SHKBP1: variants seen among roughly 807,000 people sequenced by gnomAD.
SHKBP1 encodes the protein SH3KBP1-binding protein 1.
Under a neutral mutation model 83.9 loss-of-function variants are expected in SHKBP1, and 71 were observed. That is an observed-to-expected ratio of 0.85 (90% CI 0.70 to 1.03). The LOEUF (loss-of-function observed/expected upper bound fraction) is 1.03. Ranked by LOEUF, SHKBP1 falls within the 50% of genes least tolerant of loss-of-function variation. The probability of loss-of-function intolerance (pLI) is 0.00; values close to 1 mark genes in which losing one functional copy is unlikely to be tolerated. For missense variants in SHKBP1, 824 were observed against 982.4 expected (o/e 0.84, Z 2.16); for synonymous variants, 371 against 398.0 (o/e 0.93, Z 0.81).
Position 40,578,524 on chromosome 19 carries a change from G to C in SHKBP1, c.382G>C (p.Gly128Arg). 6.2e-7 allele frequency: 1 copy of C among 1,614,010 alleles called. No individual in the cohort carries two copies. The highest frequency in any genetic ancestry group is 8.5e-7 in the Non-Finnish European group (1 of 1,180,018). ...RSSCGNVLFN[G>R]YLPPPVFPVK... ...TTCTTGTGGAAACGTCCTCTTCAAT[G>C]GTTACCTGCCGCCACCAGGTAGGCA... Residue 128 changes from glycine to arginine, a missense_variant, in exon 6 of 18, where the codon GGT becomes CGT. Gly to Arg is a moderately radical substitution (Grantham distance 125). Around this residue, in one of 3 missense-constraint regions of SHKBP1, gnomAD observed 355 missense variants for 386.4 expected, o/e 0.92. Coordinates refer to ENST00000291842, the MANE Select transcript of SHKBP1 (RefSeq NM_138392.4).
intron 12 of SHKBP1, 130 bp downstream of exon 12, chr19:40,583,847 ATTTT>A (rs368848063): frequency 3.6e-5 from 24 of 662,958 alleles, no homozygotes; most frequent in Non-Finnish European, 6.1e-5. Context: ...ACTCTCTCTC[ATTTT>A]TTTTTCTGAG....
At chr19:40,586,298 T>C (rs1427107275) in intron 12 of SHKBP1, among the ~76,000 whole-genome samples, 1 of 152,134 alleles carries the variant, frequency 6.6e-6, no homozygotes, top group Non-Finnish European at 1.5e-5. Context: ...CTCATCACCA[T>C]CTTTTTGTGT....
intron 12 of SHKBP1, 82 bp downstream of exon 12, chr19:40,583,799 C>A: frequency 9.3e-7 from 1 of 1,076,752 alleles, no homozygotes; most frequent in East Asian, 2.4e-5. Context: ...ACTTGTGTAG[C>A]ATGACCCAGA....
intron 10 of SHKBP1, 88 bp downstream of exon 10, chr19:40,582,554 C>T (rs2081278396): frequency 8.9e-7 from 1 of 1,121,116 alleles, no homozygotes; most frequent in Admixed American, 2.2e-5. Context: ...CCCCCACCCC[C>T]ACCCCCTAAG....
chr19:40,583,491 C>T lies in SHKBP1; in HGVS notation c.1048+6C>T. The T allele has an allele frequency of 6.2e-7, 1 of 1,612,644 alleles. No individual in the cohort carries two copies. The stretch of plus-strand genomic sequence containing the variant: ...CGGCTCCATTTACTACGTGGGTGAG[C>T]AGCAGCCTGTGTCCCGGGTGCCCGA... On this transcript the variant is annotated splice_donor_region_variant and intron_variant, in intron 11 of 17. Coordinates refer to ENST00000291842, the MANE Select transcript of SHKBP1 (RefSeq NM_138392.4).
Position 40,590,247 on chromosome 19 carries a change from G to A in SHKBP1, c.1593G>A (p.Val531=). Reference sequence around the variant, plus strand: ...CCTCCCCCACTGCACCCCCCAGGGTGTGCTCCGTGCGCTCCGTGGACGGCT... The same window carrying A: ...CCTCCCCCACTGCACCCCCCAGGGTATGCTCCGTGCGCTCCGTGGACGGCT... ...FVRLSSTGQR[V]CSVRSVDGSP... The change falls in exon 16 of 18, where the codon GTG becomes GTA. Residue 531 remains valine (V), a synonymous_variant. Coordinates refer to ENST00000291842, the MANE Select transcript of SHKBP1 (RefSeq NM_138392.4). This position sits in a 1 kb window ranked among gnomAD's most constrained non-coding sequence, Gnocchi z 4.6. 6.3e-7 allele frequency: 1 copy of A among 1,585,238 alleles called. No homozygotes were observed. Among genetic ancestry groups the A allele is most frequent in the South Asian group, 1.1e-5 (1 of 87,650 alleles).
intron 12 of SHKBP1, among the ~76,000 whole-genome samples, 163 bp downstream of exon 12, chr19:40,583,880 G>A (rs186963807): frequency 1.3e-5 from 2 of 151,990 alleles, no homozygotes; most frequent in East Asian, 3.9e-4. Context: ...TCATTCTGTT[G>A]CCCAGGCTGG....
At chr19:40,586,078 A>T (rs1484252906) in intron 12 of SHKBP1, among the ~76,000 whole-genome samples, 1 of 151,834 alleles carries the variant, frequency 6.6e-6, no homozygotes, top group Non-Finnish European at 1.5e-5. Flanking sequence ...CTAGTTTTTT[A>T]AAAATCTTTT....
In SHKBP1 at chr19:40,580,870, G is replaced by A; in HGVS notation, c.778G>A (p.Ala260Thr). The change falls in exon 9 of 18, where the codon GCA becomes ACA. Residue 260 changes from alanine (A) to threonine (T), a missense_variant. By Grantham distance (58) the Ala-to-Thr change is moderately conservative. Transcript: ENST00000291842. ...GALGEHDKMV[A>T]AATGSEILLW... ...TTTGGGTGAACATGACAAGATGGTG[G>A]CAGCAGCCACCGGCAGCGAGATCCT... 1.2e-6 allele frequency: 2 copies of A among 1,612,270 alleles called. No individual in the cohort carries two copies. The highest frequency in any genetic ancestry group is 1.7e-6 in the Non-Finnish European group (2 of 1,179,088).
chr19:40,582,492 C>T, intron 10 of SHKBP1, 26 bp downstream of exon 10: 1 of 1,598,308 alleles, frequency 6.3e-7, no homozygotes, highest in Non-Finnish European at 8.6e-7. Context: ...AGCCTGGCTG[C>T]CCCCTTCCCA....
chr19:40,588,141 G>A (rs573729472), intron 13 of SHKBP1, among the ~76,000 whole-genome samples: 38 of 152,326 alleles, frequency 2.5e-4, no homozygotes, highest in Non-Finnish European at 4.4e-4. Flanking sequence ...GATGCCTGAG[G>A]AAGTGCAGGG....
chr19:40,590,604 C>A lies in SHKBP1; in HGVS notation c.1769-126C>A, dbSNP rs1417792178. On this transcript the variant is annotated intron_variant, in intron 16 of 17. Transcript: ENST00000291842. This position sits in a 1 kb window ranked among gnomAD's most constrained non-coding sequence, Gnocchi z 4.6. ...TTTCAACCCCTGTCTCAGCCTCTGG[C>A]CCCCATGCATTGATCTCTGCTTCCT... 2.3e-6 allele frequency: 3 copies of A among 1,332,982 alleles called. No homozygotes were observed. The highest frequency in any genetic ancestry group is 2.3e-5 in the East Asian group (1 of 43,100). 82.6% of individuals were successfully genotyped at this position (1,332,982 alleles called of 1,614,324 possible). A position where few individuals can be genotyped will look rare whatever the true frequency, so the allele number is the denominator to read the frequency against.
intron 14 of SHKBP1, 30 bp from the exon 15 acceptor site, chr19:40,589,052 G>A: frequency 6.3e-7 from 1 of 1,599,882 alleles, no homozygotes; most frequent in Non-Finnish European, 8.5e-7. Flanking sequence ...AATCCCAGCT[G>A]GCCCTGACCC....
chr19:40,582,536 C>A, intron 10 of SHKBP1, 70 bp downstream of exon 10: 1 of 1,326,726 alleles, frequency 7.5e-7, no homozygotes, highest in Non-Finnish European at 1.1e-6. Flanking sequence ...GGAAGGGGTT[C>A]ACGTCTGCCC....
rs1281584509 is a variant in SHKBP1 at position 40,590,912 on chromosome 19, T to A, written c.1892+59T>A. The A allele has an allele frequency of 2.5e-6, 4 of 1,569,010 alleles. No homozygotes were observed. The highest frequency in any genetic ancestry group is 3.5e-6 in the Non-Finnish European group (4 of 1,149,250). ...GAGGGGAGAGGGGACAGCATGGTGT[T>A]CCCGGGGACAGAGTGGCCCAGCTGC... On this transcript the variant is annotated intron_variant, in intron 17 of 17. Coordinates refer to ENST00000291842, the MANE Select transcript of SHKBP1 (RefSeq NM_138392.4). The surrounding 1 kb of genome is among the most constrained non-coding windows in gnomAD (Gnocchi z 4.6).
chr19:40,585,645 T>A (rs1483453759), intron 12 of SHKBP1: 1 of 149,986 alleles, frequency 6.7e-6, no homozygotes, highest in East Asian at 2.0e-4. Flanking sequence ...CCTCCTGGGT[T>A]CAAGCAATTC....
At chr19:40,577,085 C>CCG in intron 1 of SHKBP1, 100 bp downstream of exon 1, 4 of 1,266,062 alleles carry the variant, frequency 3.2e-6, no homozygotes, top group Non-Finnish European at 3.2e-6. Flanking sequence ...AAGGGTTGCT[C>CCG]CGCCCCCCCC....
In SHKBP1 at chr19:40,583,763, C is replaced by G. The variant is rs532163826; in HGVS notation, c.1165+46C>G. On this transcript the variant is annotated intron_variant, in intron 12 of 17. Transcript: ENST00000291842. ...CCCTGCTGCTGTCACCTGCCAGCCC[C>G]AGCCCCAGCCTGCAGCTGTCCCCCA... is the stretch of plus-strand genomic sequence containing the variant. 41 of 1,458,182 alleles carry G rather than the reference C, an allele frequency of 2.8e-5. No individual in the cohort carries two copies. The South Asian group carries it at 4.7e-4, about 17-fold the overall frequency. The allele number at this position is 1,458,182 out of a possible 1,614,324, so 90.3% of individuals were successfully genotyped here.
Position 40,591,059 on chromosome 19 carries a change from GT to G in SHKBP1, c.1977del (p.Gly661AlafsTer40). 1 of 1,612,976 alleles carries G rather than the reference GT, an allele frequency of 6.2e-7. No homozygotes were observed. Among genetic ancestry groups the G allele is most frequent in the Non-Finnish European group, 8.5e-7 (1 of 1,179,264 alleles). The part of the protein sequence containing the change: ...SPPQAEARRR[G>X]GGSFVERCQE... ...CCGCAGGCTGAGGCCCGGCGCCGTGGTGGGGGCAGCTTTGTGGAACGCTGCC... is the reference window on the plus strand; with the variant it reads ...CCGCAGGCTGAGGCCCGGCGCCGTGGGGGGGCAGCTTTGTGGAACGCTGCC... On this transcript the variant is annotated frameshift_variant, in exon 18 of 18. Coordinates refer to ENST00000291842, the MANE Select transcript of SHKBP1 (RefSeq NM_138392.4). LOFTEE classifies it high-confidence loss of function.
Sources: gnomAD v4.1 joint callset for allele counts (sites outside exome capture counted in the v4.1 genomes callset) on GRCh38, gnomAD v4.1.1 for gene constraint, gnomAD v4.1.1 regional missense constraint, Gnocchi (gnomAD v3.1) non-coding constraint, MANE v1.5 for transcripts, NCBI Gene and HGNC (gene_info 2026-07-23, HGNC 2026-07-21) for gene names.